The following NKAIN2 variants were observed in gnomAD, a reference collection of about 807,000 sequenced individuals.
NKAIN2 encodes sodium/potassium transporting ATPase interacting 2, also known as sodium/potassium-transporting ATPase subunit beta-1-interacting protein 2.
Under a neutral mutation model 32.6 loss-of-function variants are expected in NKAIN2, and 14 were observed. The observed-to-expected ratio is 0.43, with a 90% CI of 0.28 to 0.67. NKAIN2 has a LOEUF of 0.67. NKAIN2 is among the 30% of genes least tolerant of loss of function. The probability of loss-of-function intolerance (pLI) is 0.17; values close to 1 mark genes in which losing one functional copy is unlikely to be tolerated. For missense variants in NKAIN2, 198 were observed against 258.3 expected, an observed-to-expected ratio of 0.77 and a Z score of 1.60; for synonymous variants, 80 against 87.2, an observed-to-expected ratio of 0.92 and a Z score of 0.46.
intron 3 of NKAIN2, chr6:124,490,412 G>GTTTTTTTTTTTTTTT: frequency 3.2e-6 from 1 of 312,168 alleles, no homozygotes; most frequent in East Asian, 8.8e-5. Context: ...AATCATAGAG[G>GTTTTTTTTTTTTTTT]TTTTTTTTTT....
chr6:124,004,661 T>C (rs1242484710), intron 1 of NKAIN2, among the ~76,000 whole-genome samples: 1 of 151,404 alleles, frequency 6.6e-6, no homozygotes, highest in Non-Finnish European at 1.5e-5. Context: ...AATTGAACAA[T>C]GAGAACACTT....
At chr6:124,058,372 G>A (rs1429220469) in intron 1 of NKAIN2, among the ~76,000 whole-genome samples, 6 of 151,990 alleles carry the variant, frequency 3.9e-5, no homozygotes, top group East Asian at 1.9e-4. Flanking sequence ...CATCAGAAGC[G>A]TGAGAGTGAA....
At chr6:124,759,643 A>T (rs1017430495) in intron 4 of NKAIN2, among the ~76,000 whole-genome samples, 14 of 90,700 alleles carry the variant, frequency 1.5e-4, no homozygotes, top group African/African-American at 5.6e-4. Context: ...ACACACACAC[A>T]CACACACACA....
chr6:123,990,867 A>G (rs1779382462), intron 1 of NKAIN2, among the ~76,000 whole-genome samples: 2 of 152,194 alleles, frequency 1.3e-5, no homozygotes, highest in South Asian at 4.1e-4. Context: ...GTTGGGTCAT[A>G]TAGATTTTTG....
At chr6:124,759,657 C>A (rs9321005) in intron 4 of NKAIN2, among the ~76,000 whole-genome samples, 16,570 of 74,986 alleles carry the variant, frequency 0.22, 2,857 homozygotes, top group South Asian at 0.39. Context: ...ACACACACAC[C>A]CCCTATCTCC....
At chr6:124,526,655 CAGGAGGA>C (rs1305124476) in intron 3 of NKAIN2, among the ~76,000 whole-genome samples, 4 of 152,204 alleles carry the variant, frequency 2.6e-5, no homozygotes, top group African/African-American at 9.6e-5. Flanking sequence ...CCCAGGGAAC[CAGGAGGA>C]AGCTGCAAGT....
chr6:124,310,610 C>G (rs1796672667), intron 2 of NKAIN2, among the ~76,000 whole-genome samples: 1 of 152,060 alleles, frequency 6.6e-6, no homozygotes, highest in Non-Finnish European at 1.5e-5. Context: ...TGAAACATAC[C>G]ATGCACTTCT....
At chr6:124,410,984 T>A (rs1406807539) in intron 3 of NKAIN2, among the ~76,000 whole-genome samples, 1 of 152,078 alleles carries the variant, frequency 6.6e-6, no homozygotes, top group Non-Finnish European at 1.5e-5. Context: ...GTCTGTTTTA[T>A]CAGAGACTAG....
chr6:124,320,935 T>C (rs1000257246), intron 2 of NKAIN2, among the ~76,000 whole-genome samples: 3 of 152,198 alleles, frequency 2.0e-5, no homozygotes, highest in Non-Finnish European at 2.9e-5. Flanking sequence ...TAGGAATTAC[T>C]TTAATCTGTA....
At chr6:124,364,686 G>A (rs1185458079) in intron 3 of NKAIN2, among the ~76,000 whole-genome samples, 9 of 151,632 alleles carry the variant, frequency 5.9e-5, no homozygotes, top group Admixed American at 2.0e-4. Flanking sequence ...TCAACAACAC[G>A]TAAGATAAAT....
chr6:123,980,331 CAAGTTA>C (rs1778828086), intron 1 of NKAIN2, among the ~76,000 whole-genome samples: 2 of 152,204 alleles, frequency 1.3e-5, no homozygotes, highest in Admixed American at 1.3e-4. Context: ...GTAAAAGTGA[CAAGTTA>C]TTTTAATCAA....
At chr6:124,275,653 C>G in intron 1 of NKAIN2, among the ~76,000 whole-genome samples, 1 of 151,960 alleles carries the variant, frequency 6.6e-6, no homozygotes, top group Non-Finnish European at 1.5e-5. Flanking sequence ...CAAGAAAGAC[C>G]CCCTCCAAAT....
intron 1 of NKAIN2, among the ~76,000 whole-genome samples, chr6:123,815,676 A>G (rs1773663433): frequency 6.6e-6 from 1 of 152,090 alleles, no homozygotes; most frequent in East Asian, 1.9e-4. Context: ...TTTGTCTGCC[A>G]TTTCATGAAG....
At chr6:124,821,991 TG>T (rs1781415074) in intron 6 of NKAIN2, among the ~76,000 whole-genome samples, 1 of 152,202 alleles carries the variant, frequency 6.6e-6, no homozygotes. Flanking sequence ...AGACAGACTG[TG>T]AGTTTGACCT....
chr6:124,754,463 A>AACAG (rs3048816), intron 4 of NKAIN2, among the ~76,000 whole-genome samples: 87,347 of 151,188 alleles, frequency 0.58, 25,454 homozygotes, highest in East Asian at 0.7. Context: ...AAACGACATG[A>AACAG]ACACTTTTTT....
chr6:124,002,908 A>G (rs921236281), intron 1 of NKAIN2, among the ~76,000 whole-genome samples: 2 of 152,174 alleles, frequency 1.3e-5, no homozygotes, highest in South Asian at 4.1e-4. Flanking sequence ...CTCTGCTGGC[A>G]TGCTGAACCA....
At chr6:124,375,688 T>C (rs1284767186) in intron 3 of NKAIN2, among the ~76,000 whole-genome samples, 2 of 151,860 alleles carry the variant, frequency 1.3e-5, no homozygotes, top group Non-Finnish European at 2.9e-5. Context: ...CCCATTCAGC[T>C]GAAGAAACTA....
At chr6:124,343,881 G>A (rs970221648) in intron 2 of NKAIN2, among the ~76,000 whole-genome samples, 14 of 135,192 alleles carry the variant, frequency 1.0e-4, no homozygotes, top group African/African-American at 3.5e-4. Flanking sequence ...ATTGCTTTTG[G>A]TGTTTTAGAC....
chr6:124,376,387 A>G (rs550359316), intron 3 of NKAIN2, among the ~76,000 whole-genome samples: 2 of 152,274 alleles, frequency 1.3e-5, no homozygotes, highest in East Asian at 3.9e-4. Flanking sequence ...CAGTTTGAAT[A>G]ATGCAAGATG....
Sources: gnomAD v4.1 joint callset for allele counts (sites outside exome capture counted in the v4.1 genomes callset) on GRCh38, gnomAD v4.1.1 for gene constraint, MANE v1.5 for transcripts, NCBI Gene and HGNC (gene_info 2026-07-23, HGNC 2026-07-21) for gene names.